Variants in LOXHD1 observed in about 807,000 individuals in gnomAD.
The protein encoded by LOXHD1 is lipoxygenase homology PLAT domains 1, also known as lipoxygenase homology domain-containing protein 1.
In LOXHD1, 205 loss-of-function variants were observed where a neutral mutation model predicts 248.2. The observed-to-expected ratio is 0.83, with a 90% CI of 0.74 to 0.93. LOXHD1 has a LOEUF of 0.93. Ranked by LOEUF, LOXHD1 falls within the 40% of genes least tolerant of loss-of-function variation. LOXHD1 has a pLI of 0.00. For synonymous variants in LOXHD1, 1,113 were observed against 1,162.8 expected, an observed-to-expected ratio of 0.96 and a Z score of 0.87; for missense variants, 2,930 against 2,971.6, an observed-to-expected ratio of 0.99 and a Z score of 0.33.
intron 25 of LOXHD1, among the ~76,000 whole-genome samples, chr18:46,540,765 A>G (rs966047079): frequency 2.1e-5 from 3 of 145,860 alleles, no homozygotes; most frequent in Middle Eastern, 3.8e-3. Flanking sequence ...CCCCATGCAC[A>G]TCTTTCAGGC....
chr18:46,537,887 G>A (rs975321092), intron 26 of LOXHD1, among the ~76,000 whole-genome samples: 3 of 152,166 alleles, frequency 2.0e-5, no homozygotes, highest in South Asian at 2.1e-4. Flanking sequence ...AGAGAGGCCC[G>A]TTGGCTTTAT....
At position 46,657,055 on chromosome 18, in the gene LOXHD1, G is replaced by A; in HGVS notation, c.-22C>T. 1.9e-6 allele frequency: 3 copies of A among 1,551,504 alleles called. No individual in the cohort carries two copies. Among genetic ancestry groups the A allele is most frequent in the Non-Finnish European group, 8.7e-7 (1 of 1,146,866 alleles). On this transcript the variant is annotated 5_prime_UTR_variant, in exon 1 of 41. Coordinates refer to ENST00000642948, the MANE Select transcript of LOXHD1 (RefSeq NM_001384474.1). The stretch of plus-strand genomic sequence containing the variant: ...TCATTCTGTCGGCTGCCTTCTCCCA[G>A]CGCTCGCAGGCTCACTGTGCCGCCT...
At chr18:46,502,299 A>G (rs2034281166) in intron 37 of LOXHD1, among the ~76,000 whole-genome samples, 1 of 152,170 alleles carries the variant, frequency 6.6e-6, no homozygotes, top group African/African-American at 2.4e-5. Context: ...GGACTCTGGA[A>G]GGTTCATCCC....
chr18:46,498,171 A>C (rs1203525844), intron 37 of LOXHD1, among the ~76,000 whole-genome samples: 1 of 152,194 alleles, frequency 6.6e-6, no homozygotes. Flanking sequence ...CTTGACACCA[A>C]CTTTAGTGTT....
intron 1 of LOXHD1, among the ~76,000 whole-genome samples, chr18:46,653,144 C>T (rs894170530): frequency 5.9e-5 from 9 of 151,982 alleles, no homozygotes; most frequent in Non-Finnish European, 7.4e-5. Context: ...CTACTCAGGA[C>T]GCTGAGGCAG....
At position 46,560,495 on chromosome 18, in the gene LOXHD1, C is replaced by G. The variant is rs1393378453; in HGVS notation, c.2649G>C (p.Thr883=). The G allele has an allele frequency of 2.0e-6, 3 of 1,538,034 alleles. No homozygotes were observed. The Admixed American group carries it at 5.9e-5, about 30-fold the overall frequency. Residue 883 remains threonine, a synonymous_variant, in exon 19 of 41, where the codon ACG becomes ACC. Coordinates refer to ENST00000642948, the MANE Select transcript of LOXHD1 (RefSeq NM_001384474.1). ...ACCAGCTGGGCCCAAAGCCCTCGCC[C>G]GTGTGCCCGAGCCGGAGCTTATAGA... is the stretch of plus-strand genomic sequence containing the variant. ...GEVYKLRLGH[T]GEGFGPSWFV...
chr18:46,610,737 C>T (rs766515142), intron 6 of LOXHD1, 39 bp downstream of exon 6: 1 of 1,513,756 alleles, frequency 6.6e-7, no homozygotes, highest in African/African-American at 1.4e-5. Context: ...GGCCCCCCTT[C>T]CAAGGCCACA....
At chr18:46,630,424 T>C (rs1266440610) in intron 4 of LOXHD1, among the ~76,000 whole-genome samples, 1 of 152,210 alleles carries the variant, frequency 6.6e-6, no homozygotes, top group Non-Finnish European at 1.5e-5. Flanking sequence ...AATGACATCA[T>C]ATTGGTCGTG....
At chr18:46,572,328 AGGAGGACTTCCCGGAG>A (rs2037768573) in intron 14 of LOXHD1, among the ~76,000 whole-genome samples, 166 bp from the exon 15 acceptor site, 1 of 152,220 alleles carries the variant, frequency 6.6e-6, no homozygotes, top group Non-Finnish European at 1.5e-5. Flanking sequence ...GGAGTGGGAA[AGGAGGACTTCCCGGAG>A]GCAGTGGTGT....
In LOXHD1 at chr18:46,506,038, A is replaced by T; in HGVS notation, c.5693-15T>A. ...AGTGCCTGCTCCTGGGGGGTGCACA[A>T]GGTGAGGCTTAGGGTGCCAGCCTCT... On this transcript the variant is annotated splice_polypyrimidine_tract_variant and intron_variant, in intron 36 of 40. Transcript: ENST00000642948. The T allele has an allele frequency of 6.4e-7, 1 of 1,551,748 alleles. No homozygotes were observed. The highest frequency in any genetic ancestry group is 8.7e-7 in the Non-Finnish European group (1 of 1,146,832).
Position 46,477,623 on chromosome 18 carries a change from T to C in LOXHD1, c.6671A>G (p.Asp2224Gly). 5.8e-6 allele frequency: 9 copies of C among 1,551,790 alleles called. No homozygotes were observed. The highest frequency in any genetic ancestry group is 7.0e-6 in the Non-Finnish European group (8 of 1,147,024). ...GELRKVRLEHDSSGYCSGWLV... is the reference protein window; with the variant it reads ...GELRKVRLEHGSSGYCSGWLV... ...CCAGCCTGAGCAGTAGCCACTGCTG[T>C]CGTGCTCCAGGCGCACCTTGCGCAG... The change falls in exon 41 of 41, where the codon GAC (aspartate) becomes GGC (glycine). Residue 2224 changes from aspartate (D) to glycine (G), a missense_variant. Physicochemically the swap from Asp to Gly is moderately conservative, Grantham distance 94. Coordinates refer to ENST00000642948, the MANE Select transcript of LOXHD1 (RefSeq NM_001384474.1).
At chr18:46,608,210 C>G (rs756485531) in intron 6 of LOXHD1, among the ~76,000 whole-genome samples, 2 of 152,080 alleles carry the variant, frequency 1.3e-5, no homozygotes, top group South Asian at 4.1e-4. Context: ...CGGAAAGAAA[C>G]GAAAAGTCTA....
chr18:46,579,544 C>A (rs1045403253), intron 13 of LOXHD1, 86 bp downstream of exon 13: 3 of 1,523,910 alleles, frequency 2.0e-6, no homozygotes, highest in Non-Finnish European at 2.7e-6. Context: ...AGCATCAGCT[C>A]AACTTTAACA....
Position 46,623,673 on chromosome 18 carries a change from C to T in LOXHD1, c.512-5383G>A, listed in dbSNP as rs916396452. 8.2e-4 allele frequency among the ~76,000 whole-genome samples: 125 copies of T among 152,366 alleles called. 1 individual carries two copies. Among genetic ancestry groups the T allele is most frequent in the African/African-American group, 2.8e-3 (117 of 41,582 alleles). On this transcript the variant is annotated intron_variant, in intron 4 of 40. Coordinates refer to ENST00000642948, the MANE Select transcript of LOXHD1 (RefSeq NM_001384474.1). ...GGAAATCCGTCCCTTGCCGGCTGGC[C>T]GGAAGCTGCCTGTGTGGGCTTCCAG...
intron 29 of LOXHD1, among the ~76,000 whole-genome samples, 170 bp downstream of exon 29, chr18:46,529,007 G>A (rs910277053): frequency 5.9e-5 from 9 of 152,102 alleles, no homozygotes; most frequent in African/African-American, 1.9e-4. Flanking sequence ...TCAGCTAGGA[G>A]AGGGGAATAA....
chr18:46,647,361 T>C (rs1002874144), intron 2 of LOXHD1, among the ~76,000 whole-genome samples: 67 of 152,142 alleles, frequency 4.4e-4, no homozygotes, highest in Non-Finnish European at 1.9e-4. Context: ...AGAAGACCTT[T>C]TGACAAATGA....
In LOXHD1 at chr18:46,604,203, T is replaced by G; in HGVS notation, c.786A>C (p.Lys262Asn). The change falls in exon 7 of 41, where the codon AAA becomes AAC. Residue 262 changes from lysine to asparagine, a missense_variant. Physicochemically the swap from Lys to Asn is moderately conservative, Grantham distance 94. Transcript: ENST00000642948. ...SQIVIEDIGN[K>N]RKYDFPLNRW... Reference sequence around the variant, plus strand: ...GGTTAAGGGGGAAGTCATATTTTCTTTTGTTCCCAATATCTTCAATGACTA... The same window carrying G: ...GGTTAAGGGGGAAGTCATATTTTCTGTTGTTCCCAATATCTTCAATGACTA... 1.3e-6 allele frequency: 2 copies of G among 1,551,770 alleles called. No individual in the cohort carries two copies. Among genetic ancestry groups the G allele is most frequent in the Non-Finnish European group, 1.7e-6 (2 of 1,146,998 alleles).
At chr18:46,576,443 C>G (rs1881441523) in intron 14 of LOXHD1, among the ~76,000 whole-genome samples, 1 of 152,106 alleles carries the variant, frequency 6.6e-6, no homozygotes, top group South Asian at 2.1e-4. Context: ...TCTGGATGAG[C>G]CACCCCTCAG....
chr18:46,564,023 T>C (rs886926675), intron 17 of LOXHD1, among the ~76,000 whole-genome samples: 1 of 151,824 alleles, frequency 6.6e-6, no homozygotes, highest in African/African-American at 2.4e-5. Context: ...GTGAATAATA[T>C]TGACATAATA....
Sources: allele counts gnomAD v4.1 joint callset (sites outside exome capture counted in the v4.1 genomes callset), GRCh38; gene constraint gnomAD v4.1.1; transcripts MANE v1.5; gene names NCBI Gene and HGNC (gene_info 2026-07-23, HGNC 2026-07-21).